The following DLGAP1 variants were observed in gnomAD, a reference collection of about 807,000 sequenced individuals.
DLGAP1 encodes the protein DLG associated protein 1, also known as disks large-associated protein 1.
In DLGAP1, 11 loss-of-function variants were observed where a neutral mutation model predicts 90.8. The observed-to-expected ratio is 0.12, with a 90% CI of 0.08 to 0.20. The LOEUF is 0.20. DLGAP1 is among the 10% of genes least tolerant of loss of function. The pLI is 1.00. For synonymous variants in DLGAP1, 558 were observed against 540.7 expected, an observed-to-expected ratio of 1.03 and a Z score of -0.44; for missense variants, 1,050 against 1,333.8, an observed-to-expected ratio of 0.79 and a Z score of 3.31.
At chr18:4,035,486 C>T (rs2074873568) in intron 2 of DLGAP1, among the ~76,000 whole-genome samples, 1 of 152,154 alleles carries the variant, frequency 6.6e-6, no homozygotes, top group Admixed American at 6.6e-5. Flanking sequence ...CATTCCATGG[C>T]TACTGATGAG....
In DLGAP1 at chr18:3,729,883, C is replaced by T. The variant is rs561721295; in HGVS notation, c.1351-508G>A. Among the ~76,000 whole-genome samples, 41 of 152,112 alleles carry T rather than the reference C, an allele frequency of 2.7e-4. No homozygotes were observed. Among genetic ancestry groups the T allele is most frequent in the Non-Finnish European group, 5.6e-4 (38 of 68,018 alleles). On this transcript the variant is annotated intron_variant, in intron 6 of 12. Coordinates refer to ENST00000315677, the MANE Select transcript of DLGAP1 (RefSeq NM_004746.4). The surrounding 1 kb of genome is among the most constrained non-coding windows in gnomAD (Gnocchi z 6.2). ...CTTTTTAGCACAAACATTTTAGAAA[C>T]GAGTATTTTTACAGTGCCTTTTGAA...
At chr18:4,316,332 C>T (rs2080526043) in intron 1 of DLGAP1, among the ~76,000 whole-genome samples, 2 of 152,184 alleles carry the variant, frequency 1.3e-5, no homozygotes, top group Non-Finnish European at 2.9e-5. Flanking sequence ...TTGCCATGCA[C>T]AGCCGTACAC....
intron 6 of DLGAP1, among the ~76,000 whole-genome samples, chr18:3,740,707 C>T (rs2062861428): frequency 6.6e-6 from 1 of 152,074 alleles, no homozygotes; most frequent in Non-Finnish European, 1.5e-5. Flanking sequence ...GCATCACTAT[C>T]ACCACTGTCA....
chr18:4,007,521 T>TA (rs934492824), intron 2 of DLGAP1, among the ~76,000 whole-genome samples: 8 of 152,038 alleles, frequency 5.3e-5, no homozygotes, highest in African/African-American at 1.9e-4. Flanking sequence ...CCGGGCGTGG[T>TA]GGCTGGCACC....
At chr18:4,200,396 T>C (rs2077586236) in intron 1 of DLGAP1, among the ~76,000 whole-genome samples, 1 of 151,744 alleles carries the variant, frequency 6.6e-6, no homozygotes, top group African/African-American at 2.4e-5. Flanking sequence ...TTTTATTTTC[T>C]AAAAGAATGT....
intron 1 of DLGAP1, among the ~76,000 whole-genome samples, chr18:4,273,437 A>C (rs1398413374): frequency 6.6e-6 from 1 of 152,128 alleles, no homozygotes; most frequent in African/African-American, 2.4e-5. Flanking sequence ...CAGCATTACA[A>C]CCATTCTGTG....
At chr18:3,741,106 CCAT>C (rs2062947547) in intron 6 of DLGAP1, among the ~76,000 whole-genome samples, 1 of 123,986 alleles carries the variant, frequency 8.1e-6, no homozygotes, top group African/African-American at 3.6e-5. Flanking sequence ...ACCACCATCA[CCAT>C]CACCACCACC....
chr18:3,939,866 G>T (rs1470282078), intron 3 of DLGAP1, among the ~76,000 whole-genome samples: 1 of 152,182 alleles, frequency 6.6e-6, no homozygotes, highest in African/African-American at 2.4e-5. Flanking sequence ...CAATTTCTCT[G>T]TGAGGACATG....
At chr18:3,834,258 A>G (rs1344141091) in intron 4 of DLGAP1, among the ~76,000 whole-genome samples, 1 of 145,394 alleles carries the variant, frequency 6.9e-6, no homozygotes, top group Non-Finnish European at 1.5e-5. Flanking sequence ...GTGAGCCGAG[A>G]TCGCGCCACT....
At chr18:4,090,767 A>G (rs994091916) in intron 2 of DLGAP1, among the ~76,000 whole-genome samples, 3 of 152,240 alleles carry the variant, frequency 2.0e-5, no homozygotes, top group Non-Finnish European at 2.9e-5. Flanking sequence ...AATATGAATC[A>G]TTCTATCATA....
intron 2 of DLGAP1, among the ~76,000 whole-genome samples, chr18:4,029,910 T>C (rs2074765633): frequency 6.6e-6 from 1 of 152,216 alleles, no homozygotes; most frequent in Non-Finnish European, 1.5e-5. Context: ...CTTTGATTTG[T>C]TCTTTTCTCT....
chr18:4,102,326 A>T lies in DLGAP1; in HGVS notation c.-159+48854T>A, dbSNP rs2075793214. 3.3e-5 allele frequency among the ~76,000 whole-genome samples: 5 copies of T among 152,180 alleles called. No individual in the cohort carries two copies. In the South Asian group the frequency reaches 1.0e-3, roughly 31 times the overall value. On this transcript the variant is annotated intron_variant, in intron 2 of 12. Transcript: ENST00000315677. Reference sequence around the variant, plus strand: ...CTTATGGTTTGTGTAAATGGAATTCATACTCAGGATTCGAGGTGGGTTTAT... The same window carrying T: ...CTTATGGTTTGTGTAAATGGAATTCTTACTCAGGATTCGAGGTGGGTTTAT...
chr18:3,623,511 G>A (rs567874429), intron 7 of DLGAP1, among the ~76,000 whole-genome samples: 1 of 152,210 alleles, frequency 6.6e-6, no homozygotes, highest in Admixed American at 6.5e-5. Context: ...AAGCCAGCCG[G>A]GCACAGTGGC....
intron 9 of DLGAP1, among the ~76,000 whole-genome samples, chr18:3,543,228 T>C (rs1599143808): frequency 7.0e-6 from 1 of 142,034 alleles, no homozygotes; most frequent in Admixed American, 7.5e-5. Context: ...TGGAGTGGAG[T>C]GGTGTGATCT....
At chr18:3,689,357 C>T (rs956895831) in intron 7 of DLGAP1, among the ~76,000 whole-genome samples, 6 of 152,146 alleles carry the variant, frequency 3.9e-5, no homozygotes, top group South Asian at 2.1e-4. Flanking sequence ...TCTGTTTGAC[C>T]GTTAATGGGT....
chr18:4,247,797 TA>T (rs2145173585), intron 1 of DLGAP1, among the ~76,000 whole-genome samples: 1 of 152,196 alleles, frequency 6.6e-6, no homozygotes, highest in Non-Finnish European at 1.5e-5. Context: ...TTATCCCATA[TA>T]TTTTTCACAG....
At position 4,084,429 on chromosome 18, in the gene DLGAP1, T is replaced by C. The variant is rs1381017744; in HGVS notation, c.-159+66751A>G. On this transcript the variant is annotated intron_variant, in intron 2 of 12. Transcript: ENST00000315677. The surrounding 1 kb of genome is among the most constrained non-coding windows in gnomAD (Gnocchi z 4.0). ...AATAGCCTCTTGGCATACTTAATAT[T>C]TTAAGCTGAAAGAATTTGAGAAAAG... Among the ~76,000 whole-genome samples, 1 of 152,164 alleles carries C rather than the reference T, an allele frequency of 6.6e-6. No individual in the cohort carries two copies. The highest frequency in any genetic ancestry group is 1.5e-5 in the Non-Finnish European group (1 of 68,034).
intron 2 of DLGAP1, among the ~76,000 whole-genome samples, chr18:4,088,101 A>G (rs2075714015): frequency 7.3e-6 from 1 of 137,472 alleles, no homozygotes; most frequent in Admixed American, 7.3e-5. Flanking sequence ...TTTCCTATAG[A>G]AAACATTTCC....
intron 3 of DLGAP1, among the ~76,000 whole-genome samples, chr18:3,926,248 T>C (rs1157066835): frequency 6.6e-6 from 1 of 152,188 alleles, no homozygotes; most frequent in Non-Finnish European, 1.5e-5. Flanking sequence ...TTGTAGGATA[T>C]TTAGCAGTAT....
Sources: allele counts gnomAD v4.1 joint callset (sites outside exome capture counted in the v4.1 genomes callset), GRCh38; gene constraint gnomAD v4.1.1; non-coding constraint Gnocchi (gnomAD v3.1); transcripts MANE v1.5; gene names NCBI Gene and HGNC (gene_info 2026-07-23, HGNC 2026-07-21).